Variants in SLC43A2 observed in about 807,000 individuals in gnomAD.
SLC43A2 encodes large neutral amino acids transporter small subunit 4.
Under a neutral mutation model 63.2 loss-of-function variants are expected in SLC43A2, and 38 were observed. The ratio of observed to expected loss-of-function variants is 0.60; its 90% CI spans 0.46 to 0.79. The LOEUF is 0.79. Ranked by LOEUF, SLC43A2 falls within the 30% of genes least tolerant of loss-of-function variation. The pLI, the probability that SLC43A2 is intolerant of heterozygous loss-of-function variation, is 0.00. For synonymous variants in SLC43A2, 322 were observed against 331.0 expected (o/e 0.97, Z 0.30); for missense variants, 644 against 756.2 (o/e 0.85, Z 1.74).
intron 4 of SLC43A2, among the ~76,000 whole-genome samples, chr17:1,614,318 G>A (rs1907395015): frequency 6.6e-6 from 1 of 152,084 alleles, no homozygotes; most frequent in Non-Finnish European, 1.5e-5. Context: ...GGCTGAAGTG[G>A]GACGATCGCT....
At chr17:1,595,478 C>G (rs112792280) in intron 5 of SLC43A2, among the ~76,000 whole-genome samples, 2,900 of 152,034 alleles carry the variant, frequency 0.019, 105 homozygotes, top group African/African-American at 0.065. Flanking sequence ...GGGTATCGCT[C>G]TGTCACCCAG....
In SLC43A2 at chr17:1,578,722, G is replaced by T. The variant is rs1419088776; in HGVS notation, c.1351-399C>A. ...TTTGTATTTTTTAAGCAGAGATGGGGTTTCACCATGTTGGCCCGGCTGGTC... is the reference window on the plus strand; with the variant it reads ...TTTGTATTTTTTAAGCAGAGATGGGTTTTCACCATGTTGGCCCGGCTGGTC... On this transcript the variant is annotated intron_variant, in intron 11 of 13. Coordinates refer to ENST00000301335, the MANE Select transcript of SLC43A2 (RefSeq NM_152346.3). This position sits in a 1 kb window ranked among gnomAD's most constrained non-coding sequence, Gnocchi z 6.5. 5.7e-6 allele frequency: 1 copy of T among 174,012 alleles called. No individual in the cohort carries two copies. The highest frequency in any genetic ancestry group is 2.4e-5 in the African/African-American group (1 of 42,086). The allele number at this position is 174,012 out of a possible 1,614,324, so 10.8% of individuals were successfully genotyped here.
rs1425573843 is a variant in SLC43A2, at chr17:1,573,709, T to G, written c.*1895A>C. ...ATCTCGACTCACGGCAATCTCCGTC[T>G]CCCCGGTTCAAGCGATTCTCCTGCC... On this transcript the variant is annotated 3_prime_UTR_variant, in exon 14 of 14. Coordinates refer to ENST00000301335, the MANE Select transcript of SLC43A2 (RefSeq NM_152346.3). The G allele has an allele frequency of 6.6e-6, 1 of 152,044 alleles. No homozygotes were observed. The highest frequency in any genetic ancestry group is 1.5e-5 in the Non-Finnish European group (1 of 68,028). 9.4% of individuals were successfully genotyped at this position (152,044 alleles called of 1,614,324 possible). A position where few individuals can be genotyped will look rare whatever the true frequency, so the allele number is the denominator to read the frequency against.
In SLC43A2 at chr17:1,606,273, G is replaced by A. The variant is rs572360466; in HGVS notation, c.501+6922C>T. ...CACTAAACTCCTGTCCCCTCTCTGG[G>A]GGCATCTGCCATCCTGCCCTCCTCT... On this transcript the variant is annotated intron_variant, in intron 5 of 13. Coordinates refer to ENST00000301335, the MANE Select transcript of SLC43A2 (RefSeq NM_152346.3). The surrounding 1 kb of genome is among the most constrained non-coding windows in gnomAD (Gnocchi z 4.7). Among the ~76,000 whole-genome samples the A allele has an allele frequency of 2.6e-5, 4 of 152,222 alleles. No individual in the cohort carries two copies. Among genetic ancestry groups the A allele is most frequent in the African/African-American group, 7.2e-5 (3 of 41,544 alleles).
chr17:1,586,928 TC>T (rs746489994), intron 9 of SLC43A2: 737 of 1,230,256 alleles, frequency 6.0e-4, no homozygotes, highest in African/African-American at 1.4e-3. Flanking sequence ...TCCCTGACAA[TC>T]CCCCCCACCC....
At chr17:1,627,101 C>G (rs764249540) in intron 2 of SLC43A2, among the ~76,000 whole-genome samples, 3 of 152,194 alleles carry the variant, frequency 2.0e-5, no homozygotes, top group Non-Finnish European at 4.4e-5. Flanking sequence ...TCTTCTCTTC[C>G]CCTTCATCCC....
In SLC43A2 at chr17:1,571,979, C is replaced by T. The variant is rs1022674755; in HGVS notation, c.*3625G>A. ...CCAAGGGCAGGGAGCCCTTCCTGCT[C>T]CTTCCCGCCAGAGCCTGGAGGATGA... On this transcript the variant is annotated 3_prime_UTR_variant, in exon 14 of 14. Transcript: ENST00000301335. The surrounding 1 kb of genome is among the most constrained non-coding windows in gnomAD (Gnocchi z 5.2). 2 of 152,408 alleles carry T rather than the reference C, an allele frequency of 1.3e-5. No homozygotes were observed. Among genetic ancestry groups the T allele is most frequent in the African/African-American group, 2.4e-5 (1 of 41,400 alleles). The allele number at this position is 152,408 out of a possible 1,614,324, so 9.4% of individuals were successfully genotyped here. A position where few individuals can be genotyped will look rare whatever the true frequency, so the allele number is the denominator to read the frequency against.
chr17:1,628,039 G>C (rs904351343), intron 1 of SLC43A2, 119 bp from the exon 2 acceptor site: 47 of 1,054,550 alleles, frequency 4.5e-5, no homozygotes, highest in Non-Finnish European at 5.4e-5. Flanking sequence ...CGCGGCGGCC[G>C]GTGCGCGCAG....
chr17:1,600,723 A>G lies in SLC43A2; in HGVS notation c.502-7444T>C, dbSNP rs185848021. On this transcript the variant is annotated intron_variant, in intron 5 of 13. Coordinates refer to ENST00000301335, the MANE Select transcript of SLC43A2 (RefSeq NM_152346.3). The stretch of plus-strand genomic sequence containing the variant: ...TAGCCACCTGCTATGACATCCAGGT[A>G]ATTTTTGTATTTTTAGTAGAGACAG... 3.0e-4 allele frequency among the ~76,000 whole-genome samples: 45 copies of G among 151,322 alleles called. 1 individual carries two copies. The East Asian group carries it at 8.2e-3, about 28-fold the overall frequency.
chr17:1,600,162 T>C (rs1267193508), intron 5 of SLC43A2, among the ~76,000 whole-genome samples: 3 of 73,118 alleles, frequency 4.1e-5, no homozygotes, highest in Non-Finnish European at 8.2e-5. Context: ...ATTTTTTTTT[T>C]TTTTTTGAGA....
chr17:1,589,945 G>C (rs1904592680), intron 9 of SLC43A2, among the ~76,000 whole-genome samples: 1 of 152,258 alleles, frequency 6.6e-6, no homozygotes, highest in African/African-American at 2.4e-5. Flanking sequence ...CAGTAGAACT[G>C]GCTGTTATCT....
At position 1,572,119 on chromosome 17, in the gene SLC43A2, G is replaced by A. The variant is rs904804617; in HGVS notation, c.*3485C>T. 2 of 152,624 alleles carry A rather than the reference G, an allele frequency of 1.3e-5. No individual in the cohort carries two copies. The highest frequency in any genetic ancestry group is 2.9e-5 in the Non-Finnish European group (2 of 68,386). 9.5% of individuals were successfully genotyped at this position (152,624 alleles called of 1,614,324 possible). A position where few individuals can be genotyped will look rare whatever the true frequency, so the allele number is the denominator to read the frequency against. On this transcript the variant is annotated 3_prime_UTR_variant, in exon 14 of 14. Transcript: ENST00000301335. ...GGGTCACCAGGGATTGCTCCCCCAA[G>A]TACCCATCAGCCTCCAGGGCCCAAA...
At chr17:1,592,791 G>A (rs1904941367) in intron 6 of SLC43A2, among the ~76,000 whole-genome samples, 1 of 152,142 alleles carries the variant, frequency 6.6e-6, no homozygotes, top group Admixed American at 6.6e-5. Flanking sequence ...TGAAACACTT[G>A]GCCAAGAGCA....
At chr17:1,598,289 T>C (rs77314400) in intron 5 of SLC43A2, among the ~76,000 whole-genome samples, 9,350 of 151,854 alleles carry the variant, frequency 0.062, 973 homozygotes, top group East Asian at 0.31. Flanking sequence ...GGCGTGGTGG[T>C]GGGTGCCTGT....
chr17:1,613,248 C>T lies in SLC43A2; in HGVS notation c.448G>A (p.Ala150Thr), dbSNP rs780951549. The change falls in exon 5 of 14, where the codon GCC becomes ACC. Residue 150 changes from alanine (A) to threonine (T), a missense_variant. Around this residue, in one of 3 missense-constraint regions of SLC43A2, gnomAD observed 528 missense variants for 623.6 expected, o/e 0.85. Transcript: ENST00000301335. Reference protein sequence around the residue: ...PNALSVLIFIALALNGFGGMC... With the variant: ...PNALSVLIFITLALNGFGGMC... ...CCACCAAAGCCATTCAGAGCCAGGG[C>T]GATGAAGATGAGCACGGAGAGAGCT... The T allele has an allele frequency of 9.9e-6, 16 of 1,613,978 alleles. No individual in the cohort carries two copies. The South Asian group carries it at 1.1e-4, about 11-fold the overall frequency.
intron 1 of SLC43A2, 97 bp from the exon 2 acceptor site, chr17:1,628,017 C>T (rs570405599): frequency 5.9e-5 from 69 of 1,170,352 alleles, no homozygotes; most frequent in African/African-American, 8.0e-5. Context: ...GGGATTGCCA[C>T]CCCTCCCCGG....
intron 5 of SLC43A2, among the ~76,000 whole-genome samples, chr17:1,602,129 G>A (rs748564193): frequency 6.6e-6 from 1 of 152,176 alleles, no homozygotes; most frequent in Non-Finnish European, 1.5e-5. Context: ...CGACAAGGGT[G>A]CACAAGCGGC....
In SLC43A2 at chr17:1,575,417, C is replaced by G. The variant is rs548205112; in HGVS notation, c.*187G>C. Reference sequence around the variant, plus strand: ...AGCCCCTGCGTTCGGCAGGAGAAAACGCGCGTGTCCGGGGCCCTCTCCCGT... The same window carrying G: ...AGCCCCTGCGTTCGGCAGGAGAAAAGGCGCGTGTCCGGGGCCCTCTCCCGT... On this transcript the variant is annotated 3_prime_UTR_variant, in exon 14 of 14. Coordinates refer to ENST00000301335, the MANE Select transcript of SLC43A2 (RefSeq NM_152346.3). 31 of 728,002 alleles carry G rather than the reference C, an allele frequency of 4.3e-5. No homozygotes were observed. The Admixed American group carries it at 6.4e-4, about 15-fold the overall frequency. The allele number at this position is 728,002 out of a possible 1,614,324, so 45.1% of individuals were successfully genotyped here. A position where few individuals can be genotyped will look rare whatever the true frequency, so the allele number is the denominator to read the frequency against.
intron 5 of SLC43A2, among the ~76,000 whole-genome samples, chr17:1,601,410 C>T (rs1023892047): frequency 5.3e-5 from 8 of 152,104 alleles, no homozygotes; most frequent in Admixed American, 6.5e-5. Flanking sequence ...GCTACACCAC[C>T]GAACAGAGCC....
Sources: allele counts gnomAD v4.1 joint callset (sites outside exome capture counted in the v4.1 genomes callset), GRCh38; gene constraint gnomAD v4.1.1; regional missense constraint gnomAD v4.1.1; non-coding constraint Gnocchi (gnomAD v3.1); transcripts MANE v1.5; gene names NCBI Gene and HGNC (gene_info 2026-07-23, HGNC 2026-07-21).